Variants in ZCWPW1 observed in about 807,000 individuals in gnomAD.
ZCWPW1 encodes the protein zinc finger CW-type PWWP domain protein 1.
ZCWPW1 carries 56 observed loss-of-function variants against 81.3 expected under a neutral mutation model. The ratio of observed to expected loss-of-function variants is 0.69; its 90% confidence interval spans 0.56 to 0.86. The LOEUF (loss-of-function observed/expected upper bound fraction) is 0.86, where lower values mean the gene tolerates loss of function less well. Among genes scored for constraint, ZCWPW1 ranks in the 40% least tolerant of loss-of-function variants. The pLI is 0.00. For missense variants in ZCWPW1, 650 were observed against 769.8 expected, an observed-to-expected ratio of 0.84 and a Z score of 1.84; for synonymous variants, 250 against 273.7, an observed-to-expected ratio of 0.91 and a Z score of 0.86.
At chr7:100,404,090 A>G (rs1038460431) in intron 14 of ZCWPW1, 88 bp downstream of exon 14, 2 of 1,357,240 alleles carry the variant, frequency 1.5e-6, no homozygotes, top group Admixed American at 4.1e-5. Context: ...GATGATAGAG[A>G]ATATAAAATA....
chr7:100,413,278 C>A (rs1248202651), intron 8 of ZCWPW1, among the ~76,000 whole-genome samples: 1 of 152,236 alleles, frequency 6.6e-6, no homozygotes, highest in African/African-American at 2.4e-5. Context: ...CTGCCTCCCT[C>A]TTTCCAGTTA....
intron 11 of ZCWPW1, among the ~76,000 whole-genome samples, chr7:100,407,013 C>G (rs1295217478): frequency 6.6e-6 from 1 of 152,204 alleles, no homozygotes; most frequent in African/African-American, 2.4e-5. Flanking sequence ...ATCAAAACCA[C>G]TAATGCCCTG....
chr7:100,416,851 CAGG>C (rs1455904289), intron 6 of ZCWPW1, among the ~76,000 whole-genome samples: 1 of 150,858 alleles, frequency 6.6e-6, no homozygotes, highest in Non-Finnish European at 1.5e-5. Context: ...GAGGCTGAGG[CAGG>C]AGAATTGCTT....
intron 12 of ZCWPW1, 83 bp downstream of exon 12, chr7:100,406,611 G>C: frequency 7.7e-7 from 1 of 1,300,688 alleles, no homozygotes; most frequent in Non-Finnish European, 1.1e-6. Context: ...TCCCGACATG[G>C]CTTACCCTGG....
Position 100,419,643 on chromosome 7 carries a change from T to C in ZCWPW1, c.269A>G (p.Glu90Gly), listed in dbSNP as rs1795996827. 3 of 1,610,278 alleles carry C rather than the reference T, an allele frequency of 1.9e-6. No homozygotes were observed. The highest frequency in any genetic ancestry group is 4.5e-5 in the East Asian group (2 of 44,844). Residue 90 changes from glutamate (E) to glycine (G), a missense_variant, in exon 4 of 18, where the codon GAG becomes GGG. Coordinates refer to ENST00000684423, the MANE Select transcript of ZCWPW1 (RefSeq NM_001386010.1). ...KRKAQINKQAEKKEKEKSSLT... is the reference protein window; with the variant it reads ...KRKAQINKQAGKKEKEKSSLT... Reference sequence around the variant, plus strand: ...TATGACTGGTACCTTTTCTTTCTTCTCTGCTTGCTTGTTGATTTGTGCCTT... The same window carrying C: ...TATGACTGGTACCTTTTCTTTCTTCCCTGCTTGCTTGTTGATTTGTGCCTT...
Position 100,403,716 on chromosome 7 carries a change from T to C in ZCWPW1, c.1391A>G (p.Glu464Gly), listed in dbSNP as rs764397548. Reference protein sequence around the residue: ...LEKKEKEEELEKEEGEKTDPI... With the variant: ...LEKKEKEEELGKEEGEKTDPI... ...TACTGTTTTCTCTCCTTCCTCCTTT[T>C]CCAACTCTTCCTCTTTCTCCTTTTT... Residue 464 changes from glutamate (E) to glycine (G), a missense_variant, in exon 15 of 18, where the codon GAA (glutamate) becomes GGA (glycine). Coordinates refer to ENST00000684423, the MANE Select transcript of ZCWPW1 (RefSeq NM_001386010.1). 1 of 1,613,824 alleles carries C rather than the reference T, an allele frequency of 6.2e-7. No individual in the cohort carries two copies. Among genetic ancestry groups the C allele is most frequent in the East Asian group, 2.2e-5 (1 of 44,834 alleles).
intron 6 of ZCWPW1, 32 bp downstream of exon 6, chr7:100,417,034 G>A (rs1479558198): frequency 3.4e-6 from 5 of 1,481,016 alleles, no homozygotes; most frequent in Non-Finnish European, 3.8e-6. Context: ...AGTCCATTCT[G>A]TGTTCAACTT....
intron 9 of ZCWPW1, 91 bp from the exon 10 acceptor site, chr7:100,408,750 T>C (rs1793569495): frequency 1.3e-6 from 2 of 1,502,794 alleles, no homozygotes; most frequent in East Asian, 2.3e-5. Context: ...AGAAGGAAAT[T>C]GGTATATGCA....
intron 8 of ZCWPW1, among the ~76,000 whole-genome samples, chr7:100,411,743 A>G (rs1794212603): frequency 6.6e-6 from 1 of 152,196 alleles, no homozygotes; most frequent in South Asian, 2.1e-4. Flanking sequence ...ATAATAATAC[A>G]AATTGTTAGC....
At chr7:100,419,306 A>T in intron 4 of ZCWPW1, 117 bp from the exon 5 acceptor site, 3 of 867,414 alleles carry the variant, frequency 3.5e-6, no homozygotes, top group Non-Finnish European at 5.3e-6. Context: ...GAAGGCATGC[A>T]GTCAGCATAC....
At chr7:100,414,427 T>C (rs764276531) in intron 8 of ZCWPW1, among the ~76,000 whole-genome samples, 84 of 152,182 alleles carry the variant, frequency 5.5e-4, no homozygotes, top group Non-Finnish European at 9.8e-4. Context: ...ATTTATTTAG[T>C]TTTTTAGAGA....
intron 8 of ZCWPW1, among the ~76,000 whole-genome samples, chr7:100,415,371 A>G (rs556457842): frequency 2.0e-4 from 31 of 152,064 alleles, no homozygotes; most frequent in African/African-American, 7.2e-4. Context: ...ATGAGCCACC[A>G]TGCCCAGCCT....
intron 4 of ZCWPW1, 32 bp from the exon 5 acceptor site, chr7:100,419,221 C>G (rs11763414): frequency 0.18 from 289,146 of 1,582,310 alleles, 27,739 homozygotes; most frequent in Middle Eastern, 0.22. Flanking sequence ...AGGAAAACCA[C>G]TTATCTTTCC....
Position 100,401,878 on chromosome 7 carries a change from T to C in ZCWPW1, c.1627+11A>G. 5.6e-6 allele frequency: 9 copies of C among 1,606,336 alleles called. No homozygotes were observed. The highest frequency in any genetic ancestry group is 7.7e-6 in the Non-Finnish European group (9 of 1,175,594). ...CATTCCCCTTAGTTTTTCCCAGGCCTTGAGCCTTACCTGGCTGGTCAGAAT... is the reference window on the plus strand; with the variant it reads ...CATTCCCCTTAGTTTTTCCCAGGCCCTGAGCCTTACCTGGCTGGTCAGAAT... On this transcript the variant is annotated intron_variant, in intron 17 of 17. Transcript: ENST00000684423.
At chr7:100,423,370 C>A (rs1340781898) in intron 2 of ZCWPW1, among the ~76,000 whole-genome samples, 1 of 152,184 alleles carries the variant, frequency 6.6e-6, no homozygotes, top group African/African-American at 2.4e-5. Flanking sequence ...TAAAATGGAT[C>A]ATTTGGTTCA....
chr7:100,401,471 C>T (rs1791866076), intron 17 of ZCWPW1, 135 bp from the exon 18 acceptor site: 1 of 872,978 alleles, frequency 1.1e-6, no homozygotes, highest in Non-Finnish European at 1.7e-6. Context: ...AGAATATGGA[C>T]TTTGGGATCA....
rs1027053650 is a variant in ZCWPW1 at position 100,420,625 on chromosome 7, CTTT to C, written c.22_24del (p.Lys8del). The C allele has an allele frequency of 6.2e-7, 1 of 1,614,130 alleles. No homozygotes were observed. The highest frequency in any genetic ancestry group is 8.5e-7 in the Non-Finnish European group (1 of 1,180,040). Reference sequence around the variant, plus strand: ...ACCTCCCTCACTCTTGACTCACCTTCTTTATTCTGCAACGTTGTCATCATTCAG... The same window carrying C: ...ACCTCCCTCACTCTTGACTCACCTTCATTCTGCAACGTTGTCATCATTCAG... On this transcript the variant is annotated inframe_deletion, in exon 3 of 18. Coordinates refer to ENST00000684423, the MANE Select transcript of ZCWPW1 (RefSeq NM_001386010.1).
In ZCWPW1 at chr7:100,401,306, C is replaced by G; in HGVS notation, c.1658G>C (p.Ser553Thr). 1 of 1,564,286 alleles carries G rather than the reference C, an allele frequency of 6.4e-7. No homozygotes were observed. Among genetic ancestry groups the G allele is most frequent in the South Asian group, 1.2e-5 (1 of 83,338 alleles). The stretch of plus-strand genomic sequence containing the variant: ...TGAAAAGCTGGCTGCCAAGGCCTTG[C>G]TCTGGGGAGCTTTAAATTTTTTCTT... ...GPKKKFKAPQSKALAASFSEG... is the reference protein window; with the variant it reads ...GPKKKFKAPQTKALAASFSEG... The change falls in exon 18 of 18, where the codon AGC becomes ACC. Residue 553 changes from serine (S) to threonine (T), a missense_variant. Transcript: ENST00000684423.
intron 2 of ZCWPW1, among the ~76,000 whole-genome samples, chr7:100,422,234 C>T (rs1796487562): frequency 6.6e-6 from 1 of 152,226 alleles, no homozygotes; most frequent in South Asian, 2.1e-4. Flanking sequence ...AAAGTTTGTG[C>T]TAATAACTGC....
Sources: gnomAD v4.1 joint callset for allele counts (sites outside exome capture counted in the v4.1 genomes callset) on GRCh38, gnomAD v4.1.1 for gene constraint, MANE v1.5 for transcripts, NCBI Gene and HGNC (gene_info 2026-07-23, HGNC 2026-07-21) for gene names.